The following SNAP25 variants were observed in gnomAD, a reference collection of about 807,000 sequenced individuals.
SNAP25 encodes the protein synaptosomal-associated protein 25.
In SNAP25, 3 loss-of-function variants were observed where a neutral mutation model predicts 28.7. The observed-to-expected ratio is 0.10, with a 90% CI of 0.05 to 0.27. SNAP25 has a LOEUF of 0.27. Among genes scored for constraint, SNAP25 ranks in the 10% least tolerant of loss-of-function variants. SNAP25 has a pLI of 1.00. For missense variants in SNAP25, 117 were observed against 278.7 expected (o/e 0.42, Z 4.13); for synonymous variants, 61 against 88.1 (o/e 0.69, Z 1.72).
At chr20:10,224,672 C>G (rs1475898405) in intron 1 of SNAP25, among the ~76,000 whole-genome samples, 1 of 151,880 alleles carries the variant, frequency 6.6e-6, no homozygotes, top group Non-Finnish European at 1.5e-5. Flanking sequence ...TATTTTTTCC[C>G]CCCTCAGAAT....
At chr20:10,230,080 C>A (rs188762080) in intron 1 of SNAP25, among the ~76,000 whole-genome samples, 19 of 152,190 alleles carry the variant, frequency 1.2e-4, no homozygotes, top group Middle Eastern at 3.4e-3. Flanking sequence ...CTTTTCCCAC[C>A]CATACCCCCA....
intron 1 of SNAP25, among the ~76,000 whole-genome samples, chr20:10,259,015 G>T (rs181844284): frequency 9.8e-4 from 149 of 152,262 alleles, no homozygotes; most frequent in African/African-American, 3.4e-3. Flanking sequence ...TGCTTAGTAG[G>T]TTGGCGTATA....
chr20:10,266,884 A>G (rs1713434701), intron 1 of SNAP25, among the ~76,000 whole-genome samples: 1 of 152,184 alleles, frequency 6.6e-6, no homozygotes, highest in South Asian at 2.1e-4. Context: ...AGAGAGTTTG[A>G]AAACATAAAC....
intron 1 of SNAP25, among the ~76,000 whole-genome samples, chr20:10,267,552 G>A (rs13040176): frequency 5.7e-5 from 8 of 140,802 alleles, no homozygotes; most frequent in African/African-American, 2.2e-4. Flanking sequence ...TTGTTTGTTT[G>A]TTTCTTTGTT....
intron 1 of SNAP25, among the ~76,000 whole-genome samples, chr20:10,269,407 T>C (rs1470214302): frequency 1.3e-5 from 2 of 152,080 alleles, no homozygotes; most frequent in South Asian, 2.1e-4. Flanking sequence ...ATCTTAAAAA[T>C]AAAAAATTAA....
At chr20:10,291,935 A>G (rs942656072) in intron 4 of SNAP25, among the ~76,000 whole-genome samples, 5 of 152,246 alleles carry the variant, frequency 3.3e-5, no homozygotes, top group African/African-American at 1.2e-4. Context: ...ATTTGGTGAT[A>G]CAATTCAAAA....
intron 1 of SNAP25, among the ~76,000 whole-genome samples, chr20:10,243,017 C>T (rs1302152649): frequency 6.6e-6 from 1 of 152,166 alleles, no homozygotes; most frequent in East Asian, 1.9e-4. Flanking sequence ...AGAAGTAGGG[C>T]CGCCTAACAG....
At chr20:10,241,011 AT>A (rs1220408348) in intron 1 of SNAP25, among the ~76,000 whole-genome samples, 2 of 152,174 alleles carry the variant, frequency 1.3e-5, no homozygotes, top group Non-Finnish European at 2.9e-5. Context: ...GGTAATGGAA[AT>A]GCCCTGCTGC....
chr20:10,302,396 T>C (rs1469876086), intron 7 of SNAP25, among the ~76,000 whole-genome samples: 1 of 152,184 alleles, frequency 6.6e-6, no homozygotes, highest in Non-Finnish European at 1.5e-5. Context: ...GTTTTGCCAT[T>C]CACCAGCTCT....
intron 1 of SNAP25, among the ~76,000 whole-genome samples, chr20:10,220,757 C>T (rs1401637401): frequency 2.0e-5 from 3 of 152,146 alleles, no homozygotes; most frequent in East Asian, 1.9e-4. Flanking sequence ...ATTAAAGAAA[C>T]GCTATCATGA....
intron 7 of SNAP25, among the ~76,000 whole-genome samples, chr20:10,299,958 C>G (rs1002354792): frequency 1.3e-5 from 2 of 152,156 alleles, no homozygotes; most frequent in Non-Finnish European, 2.9e-5. Context: ...AAAGAATAGT[C>G]AGTATAGCCA....
At chr20:10,294,661 G>C (rs1487285904) in intron 5 of SNAP25, among the ~76,000 whole-genome samples, 1 of 152,046 alleles carries the variant, frequency 6.6e-6, no homozygotes, top group Non-Finnish European at 1.5e-5. Context: ...ATTCAATCAG[G>C]TCTTCTACCT....
At chr20:10,245,787 A>G (rs1487181176) in intron 1 of SNAP25, among the ~76,000 whole-genome samples, 1 of 152,252 alleles carries the variant, frequency 6.6e-6, no homozygotes, top group Non-Finnish European at 1.5e-5. Context: ...ATAAGGTGCC[A>G]TAACTTGCTT....
intron 1 of SNAP25, among the ~76,000 whole-genome samples, chr20:10,271,369 C>A (rs1390743251): frequency 6.6e-6 from 1 of 152,212 alleles, no homozygotes; most frequent in African/African-American, 2.4e-5. Context: ...GCTCAGCGCC[C>A]ACTCTCCAGC....
chr20:10,275,487 C>T lies in SNAP25; in HGVS notation c.-5C>T, dbSNP rs1307019764. ...CCAGGCGCCCAGCCACTCCCCACCG[C>T]TACCATGGCCGAAGACGCAGACATG... On this transcript the variant is annotated 5_prime_UTR_variant, in exon 2 of 8. Coordinates refer to ENST00000254976, the MANE Select transcript of SNAP25 (RefSeq NM_130811.4). The T allele has an allele frequency of 6.2e-7, 1 of 1,602,068 alleles. No individual in the cohort carries two copies. Among genetic ancestry groups the T allele is most frequent in the African/African-American group, 1.3e-5 (1 of 74,800 alleles).
intron 1 of SNAP25, among the ~76,000 whole-genome samples, chr20:10,248,351 TC>T (rs1238397338): frequency 1.3e-5 from 2 of 152,326 alleles, no homozygotes; most frequent in East Asian, 3.9e-4. Context: ...AGTGTTTTTT[TC>T]TGATTATAAA....
chr20:10,238,481 A>G (rs1007386143), intron 1 of SNAP25, among the ~76,000 whole-genome samples: 1 of 152,222 alleles, frequency 6.6e-6, no homozygotes, highest in Non-Finnish European at 1.5e-5. Context: ...GGGGGGCTCC[A>G]CAGTAATAAA....
chr20:10,302,300 T>G (rs1600799192), intron 7 of SNAP25, among the ~76,000 whole-genome samples: 1 of 152,298 alleles, frequency 6.6e-6, no homozygotes, highest in East Asian at 1.9e-4. Flanking sequence ...TGGAATACAG[T>G]GAGGCTGATT....
At chr20:10,267,437 A>G (rs1206369029) in intron 1 of SNAP25, among the ~76,000 whole-genome samples, 1 of 152,230 alleles carries the variant, frequency 6.6e-6, no homozygotes, top group Non-Finnish European at 1.5e-5. Context: ...ATAGGTAGAG[A>G]TGATAAACAA....
Sources: gnomAD v4.1 joint callset for allele counts (sites outside exome capture counted in the v4.1 genomes callset) on GRCh38, gnomAD v4.1.1 for gene constraint, MANE v1.5 for transcripts, NCBI Gene and HGNC (gene_info 2026-07-23, HGNC 2026-07-21) for gene names.